GPHN: variants seen among roughly 807,000 people sequenced by gnomAD.
GPHN encodes gephyrin.
In GPHN, 17 loss-of-function variants were observed where a neutral mutation model predicts 95.5. That is an observed-to-expected ratio of 0.18 (90% CI 0.12 to 0.27). The LOEUF (loss-of-function observed/expected upper bound fraction) is 0.27, where lower values mean the gene tolerates loss of function less well. Ranked by LOEUF, GPHN falls within the 10% of genes least tolerant of loss-of-function variation. The probability of loss-of-function intolerance (pLI) is 1.00; values close to 1 mark genes in which losing one functional copy is unlikely to be tolerated. For missense variants in GPHN, 660 were observed against 978.1 expected, an observed-to-expected ratio of 0.67 and a Z score of 4.34; for synonymous variants, 320 against 322.5, an observed-to-expected ratio of 0.99 and a Z score of 0.08.
intron 1 of GPHN, among the ~76,000 whole-genome samples, chr14:66,627,673 A>ATG (rs1259199153): frequency 2.0e-5 from 3 of 152,084 alleles, no homozygotes; most frequent in African/African-American, 7.2e-5. Flanking sequence ...TTCATGAGAA[A>ATG]TGTATGAGGT....
the GPHN span, among the ~76,000 whole-genome samples, chr14:67,193,954 C>CAAAAAAAAAACAAAAA: frequency 3.5e-5 from 3 of 85,760 alleles, no homozygotes; most frequent in Admixed American, 1.2e-4. Context: ...CAAAAAAAAA[C>CAAAAAAAAAACAAAAA]AAAAAAAAAA....
At chr14:66,558,317 T>A (rs939605337) in intron 1 of GPHN, among the ~76,000 whole-genome samples, 3 of 152,136 alleles carry the variant, frequency 2.0e-5, no homozygotes, top group African/African-American at 7.2e-5. Context: ...TTGTTATAAC[T>A]GATATTTTGT....
At chr14:66,976,996 A>G (rs2070290248) in intron 9 of GPHN, among the ~76,000 whole-genome samples, 1 of 151,350 alleles carries the variant, frequency 6.6e-6, no homozygotes, top group Non-Finnish European at 1.5e-5. Flanking sequence ...ATTGATGACT[A>G]TTTAAAAACT....
intron 18 of GPHN, among the ~76,000 whole-genome samples, chr14:67,156,668 A>G (rs1054419988): frequency 7.9e-5 from 12 of 152,172 alleles, no homozygotes; most frequent in Non-Finnish European, 1.5e-4. Context: ...TTTAAACCCA[A>G]ATATAGCAGT....
At chr14:67,315,909 A>G in the GPHN span, among the ~76,000 whole-genome samples, 1 of 152,260 alleles carries the variant, frequency 6.6e-6, no homozygotes, top group Admixed American at 6.5e-5. Flanking sequence ...TGGGTGACAG[A>G]GCGAGACTTC....
the GPHN span, among the ~76,000 whole-genome samples, chr14:67,711,372 G>A: frequency 6.6e-6 from 1 of 152,090 alleles, no homozygotes; most frequent in Admixed American, 6.5e-5. Context: ...ATGTATGCTG[G>A]CAATTCTTAA....
intron 9 of GPHN, chr14:66,969,177 T>G (rs1594669464): frequency 6.6e-6 from 1 of 152,298 alleles, no homozygotes; most frequent in East Asian, 1.9e-4. Context: ...ATATCATATA[T>G]TTTCTTTTAA....
intron 1 of GPHN, among the ~76,000 whole-genome samples, chr14:66,597,971 T>A (rs954056233): frequency 2.6e-5 from 4 of 152,212 alleles, no homozygotes; most frequent in Non-Finnish European, 5.9e-5. Context: ...GGAAATCCTG[T>A]CATTCTCAAC....
At chr14:67,600,276 C>G in the GPHN span, 1 of 1,304,844 alleles carries the variant, frequency 7.7e-7, no homozygotes, top group Non-Finnish European at 1.0e-6. Context: ...CTCGCCCGCT[C>G]CAGACCCGCT....
the GPHN span, among the ~76,000 whole-genome samples, chr14:67,276,723 A>G: frequency 3.3e-5 from 5 of 152,204 alleles, no homozygotes; most frequent in African/African-American, 9.6e-5. Flanking sequence ...TTTAAAGCAG[A>G]TTACTACCAG....
intron 1 of GPHN, among the ~76,000 whole-genome samples, chr14:66,631,040 TTTTG>T (rs2063780307): frequency 1.3e-5 from 2 of 151,996 alleles, no homozygotes; most frequent in Non-Finnish European, 2.9e-5. Context: ...CGTTCTTTTT[TTTTG>T]TTTTTGTTTT....
intron 6 of GPHN, among the ~76,000 whole-genome samples, chr14:66,922,271 G>GT (rs143579871): frequency 0.078 from 11,052 of 141,618 alleles, 508 homozygotes; most frequent in Non-Finnish European, 0.11. Context: ...CAGAGTGTAT[G>GT]TTTTTTTTTT....
At chr14:66,890,136 G>A (rs1236939340) in intron 5 of GPHN, among the ~76,000 whole-genome samples, 1 of 152,150 alleles carries the variant, frequency 6.6e-6, no homozygotes, top group Non-Finnish European at 1.5e-5. Flanking sequence ...TCTCAGCTGG[G>A]TACGGTGGCT....
At chr14:67,153,021 C>T (rs1378663903) in intron 18 of GPHN, among the ~76,000 whole-genome samples, 1 of 151,578 alleles carries the variant, frequency 6.6e-6, no homozygotes, top group African/African-American at 2.4e-5. Flanking sequence ...ATACCAAAGT[C>T]CAGGTGCAGT....
chr14:67,199,149 T>C, the GPHN span: 1 of 1,552,504 alleles, frequency 6.4e-7, no homozygotes, highest in Non-Finnish European at 8.9e-7. Flanking sequence ...ACCGCTACTG[T>C]GGGAACTGTT....
intron 1 of GPHN, among the ~76,000 whole-genome samples, chr14:66,678,149 T>C (rs1194445460): frequency 6.6e-6 from 1 of 152,186 alleles, no homozygotes; most frequent in Non-Finnish European, 1.5e-5. Context: ...ATTTGGGAAG[T>C]TGTCAGCCAT....
the GPHN span, among the ~76,000 whole-genome samples, chr14:67,463,436 G>C: frequency 3.9e-5 from 6 of 152,004 alleles, no homozygotes; most frequent in Admixed American, 1.3e-4. Flanking sequence ...TCAGGAGATC[G>C]AGACCATCCT....
chr14:66,780,024 A>C (rs1432896018), intron 3 of GPHN, among the ~76,000 whole-genome samples: 4 of 152,180 alleles, frequency 2.6e-5, no homozygotes, highest in Non-Finnish European at 4.4e-5. Flanking sequence ...AGATTTGAAA[A>C]ATATTATTTC....
chr14:67,060,192 C>G (rs1349682475), intron 11 of GPHN, among the ~76,000 whole-genome samples: 1 of 143,308 alleles, frequency 7.0e-6, no homozygotes, highest in Non-Finnish European at 1.5e-5. Context: ...TTTAAAGAGA[C>G]ATTCTAATTT....
Sources: allele counts gnomAD v4.1 joint callset (sites outside exome capture counted in the v4.1 genomes callset), GRCh38; gene constraint gnomAD v4.1.1; transcripts MANE v1.5; gene names NCBI Gene and HGNC (gene_info 2026-07-23, HGNC 2026-07-21).